Variants in PTPRD observed in about 807,000 individuals in gnomAD.
PTPRD encodes the protein protein tyrosine phosphatase receptor type D.
A neutral mutation model predicts 214.5 loss-of-function variants in PTPRD; 34 were observed. The observed-to-expected ratio is 0.16, with a 90% CI of 0.12 to 0.21. PTPRD has a LOEUF of 0.21. Ranked by LOEUF, PTPRD falls within the 10% of genes least tolerant of loss-of-function variation. PTPRD has a pLI of 1.00. For synonymous variants in PTPRD, 1,128 were observed against 845.7 expected (o/e 1.33, Z -5.79); for missense variants, 2,545 against 2,398.7 (o/e 1.06, Z -1.27).
intron 4 of PTPRD, among the ~76,000 whole-genome samples, chr9:9,994,453 T>A (rs1381464029): frequency 6.6e-6 from 1 of 152,150 alleles, no homozygotes; most frequent in Non-Finnish European, 1.5e-5. Context: ...ACTGACGTCT[T>A]ATCTGTTTGT....
At chr9:9,580,785 G>C (rs1346448226) in intron 7 of PTPRD, among the ~76,000 whole-genome samples, 1 of 151,908 alleles carries the variant, frequency 6.6e-6, no homozygotes, top group Admixed American at 6.6e-5. Flanking sequence ...CTGACCTCTT[G>C]TGATCCACCC....
intron 12 of PTPRD, 118 bp from the exon 13 acceptor site, chr9:8,636,962 C>G (rs1595797830): frequency 6.1e-6 from 6 of 990,106 alleles, no homozygotes; most frequent in Non-Finnish European, 8.8e-6. Context: ...TACATTTTTA[C>G]AATGCACTAT....
At chr9:9,510,143 A>G (rs901075252) in intron 8 of PTPRD, among the ~76,000 whole-genome samples, 3 of 151,686 alleles carry the variant, frequency 2.0e-5, no homozygotes, top group Non-Finnish European at 4.4e-5. Flanking sequence ...TTGGTTCCAT[A>G]TGGGTGGAGT....
chr9:9,380,841 T>C (rs1163865528), intron 9 of PTPRD, among the ~76,000 whole-genome samples: 3 of 152,164 alleles, frequency 2.0e-5, no homozygotes, highest in African/African-American at 7.2e-5. Flanking sequence ...TTTCTGCCTC[T>C]TGTATTAATA....
Position 8,713,879 on chromosome 9 carries a change from C to G in PTPRD, c.64+19901G>C, listed in dbSNP as rs556505447. 2.5e-5 allele frequency: 26 copies of G among 1,057,482 alleles called. No individual in the cohort carries two copies. In the South Asian group the frequency reaches 2.9e-4, roughly 12 times the overall value. The allele number at this position is 1,057,482 out of a possible 1,614,324, so 65.5% of individuals were successfully genotyped here. ...CGCCCGGGTGCGCCCCAAATAAACT[C>G]AGGAACGCCCCGGTGGAAAAAAAAA... On this transcript the variant is annotated intron_variant, in intron 12 of 45. Coordinates refer to ENST00000381196, the MANE Select transcript of PTPRD (RefSeq NM_002839.4).
At chr9:9,628,255 C>T (rs916814774) in intron 7 of PTPRD, among the ~76,000 whole-genome samples, 61 of 152,300 alleles carry the variant, frequency 4.0e-4, no homozygotes, top group African/African-American at 1.4e-3. Context: ...ATAACTCCTG[C>T]GTCCATGGCC....
chr9:9,358,429 C>T (rs1365440248), intron 9 of PTPRD, among the ~76,000 whole-genome samples: 2 of 151,118 alleles, frequency 1.3e-5, no homozygotes, highest in Non-Finnish European at 3.0e-5. Flanking sequence ...ATCTATAATA[C>T]TTTAATAAAT....
rs574451679 is a variant in PTPRD at position 9,174,133 on chromosome 9, G to GC, written c.-143+9170dup. 5.3e-5 allele frequency among the ~76,000 whole-genome samples: 8 copies of GC among 151,908 alleles called. No individual in the cohort carries two copies. The South Asian group carries it at 6.2e-4, about 12-fold the overall frequency. On this transcript the variant is annotated intron_variant, in intron 10 of 45. Transcript: ENST00000381196. ...GAAATATATTTGTTTATACCATACA[G>GC]CCCCCCCAAATAAAACATTACCAAC... is the stretch of plus-strand genomic sequence containing the variant.
chr9:10,312,999 G>A (rs940486408), intron 3 of PTPRD, among the ~76,000 whole-genome samples: 3 of 151,852 alleles, frequency 2.0e-5, no homozygotes, highest in Non-Finnish European at 1.5e-5. Context: ...AAAACATAGT[G>A]GTTGAAGATA....
intron 6 of PTPRD, among the ~76,000 whole-genome samples, chr9:9,761,780 C>T (rs913854686): frequency 1.3e-5 from 2 of 152,104 alleles, no homozygotes; most frequent in East Asian, 3.9e-4. Context: ...GTCTCCCCTT[C>T]CCCCCACTCT....
At chr9:8,808,094 C>T (rs1261050993) in intron 11 of PTPRD, among the ~76,000 whole-genome samples, 2 of 152,174 alleles carry the variant, frequency 1.3e-5, no homozygotes, top group Admixed American at 1.3e-4. Context: ...TCATCATTGA[C>T]ACCACTTTAA....
Position 9,217,704 on chromosome 9 carries a change from G to A in PTPRD, c.-202-34341C>T, listed in dbSNP as rs554284691. On this transcript the variant is annotated intron_variant, in intron 9 of 45. Transcript: ENST00000381196. ...TATATTGAAGGCTTTTCAAAACTTA[G>A]CCCCAGGCAGTCTTGACATAACCTT... 1.8e-4 allele frequency among the ~76,000 whole-genome samples: 27 copies of A among 152,134 alleles called. No homozygotes were observed. In the South Asian group the frequency reaches 5.6e-3, roughly 32 times the overall value.
chr9:10,381,942 T>C (rs1032587621), intron 2 of PTPRD, among the ~76,000 whole-genome samples: 4 of 151,948 alleles, frequency 2.6e-5, no homozygotes, highest in Non-Finnish European at 5.9e-5. Context: ...ATTTAATTTA[T>C]ATAAAATTAT....
chr9:8,463,986 G>A (rs1276801858), intron 32 of PTPRD, among the ~76,000 whole-genome samples: 2 of 151,876 alleles, frequency 1.3e-5, no homozygotes, highest in African/African-American at 2.4e-5. Context: ...TGAGAAAGAT[G>A]ATAGAATAAA....
chr9:8,930,134 C>G (rs111588616), intron 11 of PTPRD, among the ~76,000 whole-genome samples: 29 of 151,144 alleles, frequency 1.9e-4, no homozygotes, highest in African/African-American at 6.8e-4. Context: ...CAACAGGCCC[C>G]AGTGTGTGAT....
At chr9:8,671,698 C>T (rs2097290153) in intron 12 of PTPRD, among the ~76,000 whole-genome samples, 1 of 152,152 alleles carries the variant, frequency 6.6e-6, no homozygotes, top group Non-Finnish European at 1.5e-5. Flanking sequence ...AAAAAGAAAT[C>T]TCCAGAAATT....
chr9:10,502,610 C>A (rs543719831), intron 2 of PTPRD, among the ~76,000 whole-genome samples: 1 of 152,132 alleles, frequency 6.6e-6, no homozygotes, highest in East Asian at 1.9e-4. Context: ...GAGTACCTAT[C>A]AAATTCAAAG....
intron 43 of PTPRD, among the ~76,000 whole-genome samples, chr9:8,333,536 C>G (rs991782632): frequency 6.6e-6 from 1 of 152,096 alleles, no homozygotes; most frequent in Non-Finnish European, 1.5e-5. Flanking sequence ...GCCTGCCTTA[C>G]AAGAGCTCCT....
chr9:9,813,466 CAAAAGAT>C (rs2047794282), intron 5 of PTPRD, among the ~76,000 whole-genome samples: 1 of 151,744 alleles, frequency 6.6e-6, no homozygotes, highest in South Asian at 2.1e-4. Flanking sequence ...CATAGTAATA[CAAAAGAT>C]TATAGCAGGT....
Sources: gnomAD v4.1 joint callset for allele counts (sites outside exome capture counted in the v4.1 genomes callset) on GRCh38, gnomAD v4.1.1 for gene constraint, MANE v1.5 for transcripts, NCBI Gene and HGNC (gene_info 2026-07-23, HGNC 2026-07-21) for gene names.